SCMH1: variants seen among roughly 807,000 people sequenced by gnomAD.
SCMH1 encodes the protein Scm polycomb group protein homolog 1.
A neutral mutation model predicts 70.8 loss-of-function variants in SCMH1; 37 were observed. The observed-to-expected ratio is 0.52, with a 90% CI of 0.40 to 0.69. The LOEUF (loss-of-function observed/expected upper bound fraction) is 0.69, where lower values mean the gene tolerates loss of function less well. SCMH1 is among the 30% of genes least tolerant of loss of function. The pLI is 0.00. For synonymous variants in SCMH1, 292 were observed against 307.4 expected (o/e 0.95, Z 0.52); for missense variants, 607 against 827.3 (o/e 0.73, Z 3.27).
At chr1:41,150,343 A>G (rs903183757) in intron 5 of SCMH1, among the ~76,000 whole-genome samples, 1 of 152,022 alleles carries the variant, frequency 6.6e-6, no homozygotes, top group African/African-American at 2.4e-5. Flanking sequence ...TCTCTACTAA[A>G]AGTACAAAAA....
chr1:41,217,085 T>C (rs1352511041), intron 1 of SCMH1, among the ~76,000 whole-genome samples: 1 of 152,214 alleles, frequency 6.6e-6, no homozygotes, highest in Non-Finnish European at 1.5e-5. Context: ...AATTTTGAGA[T>C]GCTTGATAGA....
At chr1:41,180,634 T>C in intron 2 of SCMH1, among the ~76,000 whole-genome samples, 1 of 152,060 alleles carries the variant, frequency 6.6e-6, no homozygotes, top group Non-Finnish European at 1.5e-5. Flanking sequence ...GGAATCCAAC[T>C]TACAAGGGAC....
chr1:41,121,654 T>C (rs564780814), intron 6 of SCMH1, among the ~76,000 whole-genome samples: 1 of 152,284 alleles, frequency 6.6e-6, no homozygotes, highest in South Asian at 2.1e-4. Flanking sequence ...TGTCAATTTA[T>C]ATATCTAGCC....
At chr1:41,182,957 A>C (rs1649224856) in intron 2 of SCMH1, among the ~76,000 whole-genome samples, 1 of 152,238 alleles carries the variant, frequency 6.6e-6, no homozygotes, top group Non-Finnish European at 1.5e-5. Flanking sequence ...ACACATTAAA[A>C]AAGGAGCTAG....
chr1:41,128,489 ATTCTGGCTTGCACTGT>A (rs904947096), intron 6 of SCMH1, among the ~76,000 whole-genome samples: 5 of 152,128 alleles, frequency 3.3e-5, no homozygotes, highest in Non-Finnish European at 4.4e-5. Context: ...GCTCCACTGT[ATTCTGGCTTGCACTGT>A]TTCTGACGAG....
chr1:41,206,835 G>C (rs769011415), intron 1 of SCMH1, among the ~76,000 whole-genome samples: 5 of 152,112 alleles, frequency 3.3e-5, no homozygotes, highest in Non-Finnish European at 5.9e-5. Flanking sequence ...CAGACACAGT[G>C]CCTCTCTCAG....
chr1:41,206,658 C>G (rs1350148517), intron 1 of SCMH1, among the ~76,000 whole-genome samples: 5 of 152,170 alleles, frequency 3.3e-5, no homozygotes. Context: ...CCTAGCAAGG[C>G]AGGCCAACAT....
chr1:41,041,977 T>A (rs1185022882), intron 12 of SCMH1, among the ~76,000 whole-genome samples: 1 of 152,132 alleles, frequency 6.6e-6, no homozygotes, highest in African/African-American at 2.4e-5. Context: ...TCCTGCCTCA[T>A]ACTGAGCCAC....
Position 41,209,232 on chromosome 1 carries a change from C to T in SCMH1, c.-117-22982G>A, listed in dbSNP as rs867403075. Among the ~76,000 whole-genome samples the T allele has an allele frequency of 2.0e-5, 3 of 152,124 alleles. No homozygotes were observed. The South Asian group carries it at 6.2e-4, about 31-fold the overall frequency. On this transcript the variant is annotated intron_variant, in intron 1 of 14. Transcript: ENST00000337495. ...AATTGAGGCAATAATTAATAGCCTA[C>T]CAACCAAAAAAAGTCCAGGACTAGA...
At chr1:41,028,760 G>C in intron 13 of SCMH1, 34 bp from the exon 15 acceptor site, 1 of 1,608,832 alleles carries the variant, frequency 6.2e-7, no homozygotes, top group South Asian at 1.1e-5. Flanking sequence ...CATAAAGGGC[G>C]GGGACTGGTT....
At chr1:41,225,247 T>C (rs532790342) in intron 1 of SCMH1, among the ~76,000 whole-genome samples, 6 of 152,326 alleles carry the variant, frequency 3.9e-5, no homozygotes, top group Admixed American at 3.3e-4. Context: ...ACTTGCATTT[T>C]CTAAGACACA....
At chr1:41,034,147 C>T in intron 13 of SCMH1, 99 bp from the exon 14 acceptor site, 1 of 1,503,506 alleles carries the variant, frequency 6.7e-7, no homozygotes, top group South Asian at 1.3e-5. Flanking sequence ...TGACTCAAGT[C>T]TCAAAGCAAG....
intron 6 of SCMH1, among the ~76,000 whole-genome samples, chr1:41,128,747 T>C (rs1311192462): frequency 1.3e-5 from 2 of 152,182 alleles, no homozygotes; most frequent in African/African-American, 2.4e-5. Context: ...TAATTTCTTA[T>C]GTGCTCCTTA....
At chr1:41,075,234 G>A (rs756599115) in exon 9 of SCMH1, 4 of 1,614,102 alleles carry the variant, frequency 2.5e-6, no homozygotes, top group Non-Finnish European at 3.4e-6. Context: ...TGCCAGGTTT[G>A]GGACCTCTCT....
chr1:41,186,849 C>T (rs575577094), intron 1 of SCMH1, among the ~76,000 whole-genome samples: 1 of 152,264 alleles, frequency 6.6e-6, no homozygotes, highest in South Asian at 2.1e-4. Flanking sequence ...GCCTCTGCCG[C>T]TAGCATCCTG....
chr1:41,163,419 C>A (rs978448059), intron 2 of SCMH1, among the ~76,000 whole-genome samples: 28 of 152,154 alleles, frequency 1.8e-4, no homozygotes, highest in African/African-American at 6.5e-4. Context: ...CCCAGTGGGC[C>A]CAAGCAAAAC....
chr1:41,120,292 T>C (rs1188192190), intron 6 of SCMH1, among the ~76,000 whole-genome samples: 2 of 152,308 alleles, frequency 1.3e-5, no homozygotes, highest in Middle Eastern at 3.4e-3. Context: ...ATTATCATAA[T>C]AGTTAATATA....
intron 1 of SCMH1, among the ~76,000 whole-genome samples, chr1:41,210,735 G>A (rs1176995555): frequency 1.3e-5 from 2 of 151,558 alleles, no homozygotes; most frequent in Non-Finnish European, 2.9e-5. Flanking sequence ...TTAAATGTTA[G>A]ACCTAAAACC....
At chr1:41,048,797 G>C in exon 11 of SCMH1, 1 of 1,614,178 alleles carries the variant, frequency 6.2e-7, no homozygotes, top group Non-Finnish European at 8.5e-7. Flanking sequence ...CACCACAGAG[G>C]CACGGGCTGG....
Sources: allele counts gnomAD v4.1 joint callset (sites outside exome capture counted in the v4.1 genomes callset), GRCh38; gene constraint gnomAD v4.1.1; transcripts MANE v1.5; gene names NCBI Gene and HGNC (gene_info 2026-07-23, HGNC 2026-07-21).